Variants in SNED1 observed in about 807,000 individuals in gnomAD.
SNED1 encodes sushi, nidogen and EGF-like domain-containing protein 1.
A neutral mutation model predicts 166.7 loss-of-function variants in SNED1; 81 were observed. That is an observed-to-expected ratio of 0.49 (90% CI 0.41 to 0.58). The LOEUF (loss-of-function observed/expected upper bound fraction) is 0.58. Among genes scored for constraint, SNED1 ranks in the 20% least tolerant of loss-of-function variants. SNED1 has a pLI of 0.00. For missense variants in SNED1, 1,604 were observed against 2,000.2 expected (o/e 0.80, Z 3.78); for synonymous variants, 762 against 822.0 (o/e 0.93, Z 1.25).
At chr2:241,088,023 G>T in intron 30 of SNED1, 1 of 402,678 alleles carries the variant, frequency 2.5e-6, no homozygotes, top group Non-Finnish European at 4.4e-6. Context: ...CAAGGCCGCA[G>T]CCTGCAGCTC....
chr2:240,999,055 GT>G lies in SNED1; in HGVS notation c.213+6del. ...GCCGAGCACTCCGGACTCTACGTGA[GT>G]AACCCCCGGGCTCGCGGGGCGCCCG... On this transcript the variant is annotated splice_donor_region_variant and intron_variant, in intron 1 of 31. Transcript: ENST00000310397. The surrounding 1 kb of genome is among the most constrained non-coding windows in gnomAD (Gnocchi z 5.8). 7.7e-7 allele frequency: 1 copy of G among 1,297,970 alleles called. No individual in the cohort carries two copies. 80.4% of individuals were successfully genotyped at this position (1,297,970 alleles called of 1,614,324 possible).
At chr2:241,072,999 G>T in intron 26 of SNED1, 1 of 496,958 alleles carries the variant, frequency 2.0e-6, no homozygotes, top group Non-Finnish European at 3.6e-6. Flanking sequence ...CTCTCAGCAT[G>T]ATCAGTGGTG....
intron 30 of SNED1, 174 bp downstream of exon 30, chr2:241,087,649 A>G (rs1044617839): frequency 2.3e-5 from 33 of 1,412,934 alleles, no homozygotes; most frequent in Non-Finnish European, 3.0e-5. Context: ...ATGTCCATAT[A>G]TGTGCATGTG....
intron 16 of SNED1, among the ~76,000 whole-genome samples, chr2:241,056,915 A>T (rs2062065080): frequency 1.3e-5 from 2 of 152,190 alleles, no homozygotes; most frequent in Non-Finnish European, 1.5e-5. Flanking sequence ...AGCATCAGAG[A>T]TCTGTGGGAC....
chr2:241,060,929 CA>C lies in SNED1; in HGVS notation c.2258-1853del, dbSNP rs199921776. The stretch of plus-strand genomic sequence containing the variant: ...TGGGGGACAGGGTGAGACCCTGTCT[CA>C]AAAAAAAACAACCAAAAAAAACTAT... On this transcript the variant is annotated intron_variant, in intron 16 of 31. Coordinates refer to ENST00000310397, the MANE Select transcript of SNED1 (RefSeq NM_001080437.3). Among the ~76,000 whole-genome samples the C allele has an allele frequency of 7.1e-5, 10 of 141,048 alleles. No individual in the cohort carries two copies. In the East Asian group the frequency reaches 1.2e-3, roughly 17 times the overall value. The allele number at this position is 141,048 out of a possible 152,430, so 92.5% of individuals were successfully genotyped here. A position where few individuals can be genotyped will look rare whatever the true frequency, so the allele number is the denominator to read the frequency against.
At position 241,067,848 on chromosome 2, in the gene SNED1, A is replaced by T; in HGVS notation, c.3095A>T (p.His1032Leu). The T allele has an allele frequency of 6.2e-7, 1 of 1,613,430 alleles. No individual in the cohort carries two copies. The highest frequency in any genetic ancestry group is 8.5e-7 in the Non-Finnish European group (1 of 1,179,834). ...CAGTGGGCCCTGCACAGGATCCGCC[A>T]TGCCACCGTCAGTGGGGTCCGTGTG... ...SVQWALHRIR[H>L]ATVSGVRVSI... The change falls in exon 22 of 32, where the codon CAT becomes CTT. Residue 1032 changes from histidine to leucine, a missense_variant. His to Leu is a moderately conservative substitution (Grantham distance 99, BLOSUM62 -3). Around this residue, in one of 2 missense-constraint regions of SNED1, gnomAD observed 1,237 missense variants for 1,620.8 expected, o/e 0.76. Transcript: ENST00000310397.
At chr2:241,077,036 G>A (rs1170884436) in intron 27 of SNED1, among the ~76,000 whole-genome samples, 6 of 150,256 alleles carry the variant, frequency 4.0e-5, no homozygotes, top group East Asian at 2.0e-4. Flanking sequence ...CTGAGATTGC[G>A]CCACTGCACT....
In SNED1 at chr2:241,033,809, G is replaced by A. The variant is rs142239951; in HGVS notation, c.576G>A (p.Val192=). ...SFTIFNYESI[V]WTTGTHASSG... ...CCATCTTCAACTATGAGTCCATCGT[G>A]TGGACCACAGGCACACACGCCAGCA... Residue 192 remains valine, a synonymous_variant, in exon 3 of 32, where the codon GTG becomes GTA. Coordinates refer to ENST00000310397, the MANE Select transcript of SNED1 (RefSeq NM_001080437.3). The A allele has an allele frequency of 1.2e-3, 1,973 of 1,610,930 alleles. 1 individual carries two copies. Among genetic ancestry groups the A allele is most frequent in the Non-Finnish European group, 1.6e-3 (1,852 of 1,179,180 alleles).
At chr2:241,043,617 C>G (rs1012001218) in intron 8 of SNED1, among the ~76,000 whole-genome samples, 1 of 152,020 alleles carries the variant, frequency 6.6e-6, no homozygotes, top group African/African-American at 2.4e-5. Flanking sequence ...GGGTTGAAGA[C>G]TTTTTAATCC....
At chr2:241,053,866 T>C (rs1313576454) in intron 16 of SNED1, among the ~76,000 whole-genome samples, 1 of 152,200 alleles carries the variant, frequency 6.6e-6, no homozygotes, top group African/African-American at 2.4e-5. Context: ...AGTAGGGCCA[T>C]TAACACCCTG....
upstream of SNED1, among the ~76,000 whole-genome samples, chr2:240,998,313 A>T (rs74333767): frequency 1.3e-5 from 2 of 152,140 alleles, no homozygotes; most frequent in African/African-American, 2.4e-5. Context: ...CCCCCGCGTG[A>T]TGACACGCCT....
chr2:241,025,596 T>C (rs1267718468), intron 1 of SNED1, among the ~76,000 whole-genome samples: 2 of 152,222 alleles, frequency 1.3e-5, no homozygotes, highest in African/African-American at 4.8e-5. Flanking sequence ...CCTTCTTTCC[T>C]TCTTGCATCT....
Position 241,081,659 on chromosome 2 carries a change from C to A in SNED1, c.3917-18C>A, listed in dbSNP as rs777889552. ...CCTGGGGTTCCAGTGACTAACCTCTCGTGACCTCTGTTTCCAGACGTCCCT... is the reference window on the plus strand; with the variant it reads ...CCTGGGGTTCCAGTGACTAACCTCTAGTGACCTCTGTTTCCAGACGTCCCT... On this transcript the variant is annotated intron_variant, in intron 27 of 31. Transcript: ENST00000310397. 1 of 1,559,762 alleles carries A rather than the reference C, an allele frequency of 6.4e-7. No individual in the cohort carries two copies. The highest frequency in any genetic ancestry group is 8.7e-7 in the Non-Finnish European group (1 of 1,145,664).
At chr2:241,066,430 C>T (rs924414703) in intron 21 of SNED1, among the ~76,000 whole-genome samples, 72 of 152,288 alleles carry the variant, frequency 4.7e-4, no homozygotes, top group African/African-American at 1.6e-3. Context: ...GGAGCCCGGC[C>T]GCATCAGCTA....
intron 1 of SNED1, among the ~76,000 whole-genome samples, chr2:241,003,597 C>T (rs1171118744): frequency 6.6e-6 from 1 of 152,220 alleles, no homozygotes; most frequent in African/African-American, 2.4e-5. Flanking sequence ...TCAGCCTCAG[C>T]CCACAGCCGA....
At position 241,051,749 on chromosome 2, in the gene SNED1, C is replaced by T; in HGVS notation, c.1741C>T (p.Pro581Ser). The change falls in exon 13 of 32, where the codon CCA (proline) becomes TCA (serine). Residue 581 changes from proline to serine, a missense_variant. Transcript: ENST00000310397. This position sits in a 1 kb window ranked among gnomAD's most constrained non-coding sequence, Gnocchi z 4.7. ...CTCTCTGTCCTTCCACACAGCCCGG[C>T]CACACCTGTGCAGCTCAGGGCCCTG... is the stretch of plus-strand genomic sequence containing the variant. The part of the protein sequence containing the change: ...FHGKHCEKAR[P>S]HLCSSGPCRN... 2.0e-6 allele frequency: 3 copies of T among 1,506,974 alleles called. No individual in the cohort carries two copies. The highest frequency in any genetic ancestry group is 2.7e-6 in the Non-Finnish European group (3 of 1,126,082). 93.4% of individuals were successfully genotyped at this position (1,506,974 alleles called of 1,614,324 possible).
chr2:241,053,877 C>T (rs2125121309), intron 16 of SNED1, among the ~76,000 whole-genome samples: 1 of 152,356 alleles, frequency 6.6e-6, no homozygotes, highest in South Asian at 2.1e-4. Context: ...TAACACCCTG[C>T]AGGTGCATCG....
rs16843242 is a variant in SNED1 at position 241,091,866 on chromosome 2, C to T, written c.*230C>T. On this transcript the variant is annotated 3_prime_UTR_variant, in exon 32 of 32. Coordinates refer to ENST00000310397, the MANE Select transcript of SNED1 (RefSeq NM_001080437.3). The surrounding 1 kb of genome is among the most constrained non-coding windows in gnomAD (Gnocchi z 4.1). ...TGGGACCAACCACCTGTGAGTCCTG[C>T]GATGCGTTTAAGCAGCCTGTGCCCT... is the stretch of plus-strand genomic sequence containing the variant. 14,371 of 152,538 alleles carry T rather than the reference C, an allele frequency of 0.094. 745 individuals carry two copies. The highest frequency in any genetic ancestry group is 0.21 in the East Asian group (1,075 of 5,180). 9.4% of individuals were successfully genotyped at this position (152,538 alleles called of 1,614,324 possible). A position where few individuals can be genotyped will look rare whatever the true frequency, so the allele number is the denominator to read the frequency against.
rs536609144 is a variant in SNED1, at chr2:241,065,229, G to A, written c.2714-70G>A. On this transcript the variant is annotated intron_variant, in intron 20 of 31. Coordinates refer to ENST00000310397, the MANE Select transcript of SNED1 (RefSeq NM_001080437.3). The stretch of plus-strand genomic sequence containing the variant: ...AAGAGCCAGACCCGGCTGAGCCGCC[G>A]ACGGGAGCCAGGCATGCATAGCTAA... 4.6e-5 allele frequency: 70 copies of A among 1,533,838 alleles called. No individual in the cohort carries two copies. The East Asian group carries it at 4.9e-4, about 11-fold the overall frequency.
Sources: allele counts gnomAD v4.1 joint callset (sites outside exome capture counted in the v4.1 genomes callset), GRCh38; gene constraint gnomAD v4.1.1; regional missense constraint gnomAD v4.1.1; non-coding constraint Gnocchi (gnomAD v3.1); transcripts MANE v1.5; gene names NCBI Gene and HGNC (gene_info 2026-07-23, HGNC 2026-07-21).